KLHL8: variants seen among roughly 807,000 people sequenced by gnomAD.
KLHL8 encodes kelch like family member 8, also known as kelch-like protein 8.
Under a neutral mutation model 63.5 loss-of-function variants are expected in KLHL8, and 38 were observed. The ratio of observed to expected loss-of-function variants is 0.60; its 90% CI spans 0.46 to 0.78. The LOEUF (loss-of-function observed/expected upper bound fraction) is 0.78, where lower values mean the gene tolerates loss of function less well. Ranked by LOEUF, KLHL8 falls within the 30% of genes least tolerant of loss-of-function variation. The pLI is 0.00. For synonymous variants in KLHL8, 224 were observed against 254.3 expected (o/e 0.88, Z 1.13); for missense variants, 566 against 752.4 (o/e 0.75, Z 2.90).
rs747128509 is a variant in KLHL8, at chr4:87,183,352, C to T, written c.803G>A (p.Gly268Asp). The T allele has an allele frequency of 6.2e-7, 1 of 1,610,942 alleles. No individual in the cohort carries two copies. The highest frequency in any genetic ancestry group is 1.1e-5 in the South Asian group (1 of 90,756). ...GACAATCTGTTCTTTTGCCACAACA[C>T]CCATAAGAAAATCAACCGGCAACAA... ...LPLLPVDFLM[G>D]VVAKEQIVKQ... is the part of the protein sequence containing the mutation. Residue 268 changes from glycine (G) to aspartate (D), a missense_variant, in exon 4 of 10, where the codon GGT becomes GAT. By Grantham distance (94) the Gly-to-Asp change is moderately conservative (BLOSUM62 -1). Transcript: ENST00000273963.
chr4:87,178,742 T>A, intron 4 of KLHL8, 122 bp from the exon 5 acceptor site: 1 of 900,998 alleles, frequency 1.1e-6, no homozygotes, highest in Non-Finnish European at 1.6e-6. Context: ...TATTCAATGT[T>A]ATTATGTTAC....
chr4:87,230,916 C>T (rs1041467067), intron 1 of KLHL8, among the ~76,000 whole-genome samples: 1 of 152,124 alleles, frequency 6.6e-6, no homozygotes, highest in African/African-American at 2.4e-5. Flanking sequence ...TATTTTTGCA[C>T]GCGTCAATAT....
At chr4:87,204,899 A>G (rs924647957) in intron 1 of KLHL8, among the ~76,000 whole-genome samples, 11 of 152,090 alleles carry the variant, frequency 7.2e-5, no homozygotes, top group Non-Finnish European at 1.6e-4. Context: ...TGTTAATTTA[A>G]AATTGATTTG....
Position 87,195,521 on chromosome 4 carries a change from T to G in KLHL8, c.19A>C (p.Ser7Arg). Residue 7 changes from serine to arginine, a missense_variant, in exon 2 of 10, where the codon AGT becomes CGT. Physicochemically the swap from Ser to Arg is moderately radical, Grantham distance 110. Coordinates refer to ENST00000273963, the MANE Select transcript of KLHL8 (RefSeq NM_020803.5). ...ATGTGATTCCTAGCTTGTTTACTACTCATAGAATCTGAAGCCATTTGCAAT... is the reference window on the plus strand; with the variant it reads ...ATGTGATTCCTAGCTTGTTTACTACGCATAGAATCTGAAGCCATTTGCAAT... MASDSM[S>R]SKQARNHITK... is the part of the protein sequence containing the mutation. 2 of 1,613,050 alleles carry G rather than the reference T, an allele frequency of 1.2e-6. No homozygotes were observed. Among genetic ancestry groups the G allele is most frequent in the South Asian group, 2.2e-5 (2 of 90,992 alleles).
At chr4:87,216,007 G>T (rs1031809653) in intron 1 of KLHL8, among the ~76,000 whole-genome samples, 2 of 152,108 alleles carry the variant, frequency 1.3e-5, no homozygotes, top group Non-Finnish European at 2.9e-5. Flanking sequence ...TTAACATTGG[G>T]TGTTTTGTTG....
chr4:87,181,420 C>A (rs1372323106), intron 4 of KLHL8, among the ~76,000 whole-genome samples: 1 of 151,968 alleles, frequency 6.6e-6, no homozygotes, highest in African/African-American at 2.4e-5. Context: ...AAAAAGAAAT[C>A]TGTTTATAAG....
intron 8 of KLHL8, chr4:87,167,573 TA>T: frequency 1.9e-6 from 1 of 527,336 alleles, no homozygotes. Flanking sequence ...GCTGTTATGC[TA>T]AGAAGAAGGG....
Position 87,216,936 on chromosome 4 carries a change from T to G in KLHL8, c.-152+3482A>C, listed in dbSNP as rs570866915. Among the ~76,000 whole-genome samples the G allele has an allele frequency of 2.6e-5, 4 of 152,196 alleles. No homozygotes were observed. In the South Asian group the frequency reaches 8.3e-4, roughly 32 times the overall value. On this transcript the variant is annotated intron_variant, in intron 1 of 9. Transcript: ENST00000273963. ...TGGTAAAATAGAAGTACGTATTATT[T>G]TTATCCCCCTTCCACAGCTAAGGAA...
At position 87,216,343 on chromosome 4, in the gene KLHL8, A is replaced by G. The variant is rs112575016; in HGVS notation, c.-152+4075T>C. Among the ~76,000 whole-genome samples, 242 of 152,316 alleles carry G rather than the reference A, an allele frequency of 1.6e-3. 2 individuals are homozygous for G. Among genetic ancestry groups the G allele is most frequent in the African/African-American group, 5.6e-3 (232 of 41,574 alleles). ...TAGCCTGTTCTCTTTCCTTTCCGCAATATAACCTGTTTCTCTTTCCTTTCC... is the reference window on the plus strand; with the variant it reads ...TAGCCTGTTCTCTTTCCTTTCCGCAGTATAACCTGTTTCTCTTTCCTTTCC... On this transcript the variant is annotated intron_variant, in intron 1 of 9. Coordinates refer to ENST00000273963, the MANE Select transcript of KLHL8 (RefSeq NM_020803.5).
intron 1 of KLHL8, among the ~76,000 whole-genome samples, chr4:87,225,837 T>C (rs1488711448): frequency 6.6e-6 from 1 of 152,206 alleles, no homozygotes; most frequent in African/African-American, 2.4e-5. Flanking sequence ...ACTTTTGAAA[T>C]GCGGGTGTTG....
At chr4:87,223,889 T>G (rs1732927065), upstream of KLHL8, among the ~76,000 whole-genome samples, 2 of 152,170 alleles carry the variant, frequency 1.3e-5, no homozygotes, top group Admixed American at 1.3e-4. Context: ...CCTAGCTCCA[T>G]TTGAGAATAA....
chr4:87,218,731 T>C (rs1732698793), intron 1 of KLHL8, among the ~76,000 whole-genome samples: 1 of 152,106 alleles, frequency 6.6e-6, no homozygotes, highest in Admixed American at 6.5e-5. Context: ...AGAGTATCCT[T>C]AGACTTTTTT....
At chr4:87,232,883 G>T (rs565324567) in intron 1 of KLHL8, among the ~76,000 whole-genome samples, 224 of 149,054 alleles carry the variant, frequency 1.5e-3, no homozygotes, top group African/African-American at 5.2e-3. Flanking sequence ...TTTCTATTAG[G>T]TTTTTTTTTC....
intron 1 of KLHL8, among the ~76,000 whole-genome samples, chr4:87,227,660 C>A (rs6834470): frequency 0.4 from 60,445 of 151,796 alleles, 12,120 homozygotes; most frequent in South Asian, 0.45. Flanking sequence ...AAATAAATAA[C>A]TAAGTTATTT....
intron 1 of KLHL8, among the ~76,000 whole-genome samples, chr4:87,215,037 G>A (rs1560716810): frequency 1.3e-5 from 2 of 152,122 alleles, no homozygotes; most frequent in African/African-American, 2.4e-5. Flanking sequence ...GGCCTCAAGT[G>A]ATCCACCTGC....
intron 1 of KLHL8, among the ~76,000 whole-genome samples, chr4:87,227,323 G>A (rs778073992): frequency 6.6e-6 from 1 of 152,004 alleles, no homozygotes; most frequent in Non-Finnish European, 1.5e-5. Flanking sequence ...TTGAGTTTTA[G>A]TAGCCATCTT....
At position 87,188,013 on chromosome 4, in the gene KLHL8, GGAA is replaced by G. The variant is rs772825905; in HGVS notation, c.217-2217_217-2215del. ...CTCAGTCTTTTTTCACTAATGTGGA[GGAA>G]GAAGCAGTATCACTTATTTCAGAAA... On this transcript the variant is annotated intron_variant, in intron 2 of 9. Coordinates refer to ENST00000273963, the MANE Select transcript of KLHL8 (RefSeq NM_020803.5). Among the ~76,000 whole-genome samples, 9 of 152,138 alleles carry G rather than the reference GGAA, an allele frequency of 5.9e-5. No individual in the cohort carries two copies. The South Asian group carries it at 1.7e-3, about 28-fold the overall frequency.
intron 8 of KLHL8, chr4:87,167,566 G>A: frequency 1.9e-6 from 1 of 530,708 alleles, no homozygotes; most frequent in South Asian, 1.4e-5. Flanking sequence ...CTCTGGGGCT[G>A]TTATGCTAAG....
chr4:87,164,047 C>T lies in KLHL8; in HGVS notation c.1570G>A (p.Val524Ile), dbSNP rs146465502. 5.0e-6 allele frequency: 8 copies of T among 1,614,070 alleles called. No homozygotes were observed. The highest frequency in any genetic ancestry group is 5.9e-6 in the Non-Finnish European group (7 of 1,180,040). ...GFDDNSPLSS[V>I]ERYDPRSNKW... ...TTGCTTCGGGGGTCATACCGCTCAA[C>T]TGAACTCAGAGGAGAATTATCATCA... The change falls in exon 9 of 10, where the codon GTT (valine) becomes ATT (isoleucine). Residue 524 changes from valine to isoleucine, a missense_variant. By Grantham distance (29) the Val-to-Ile change is conservative. Transcript: ENST00000273963.
Sources: allele counts gnomAD v4.1 joint callset (sites outside exome capture counted in the v4.1 genomes callset), GRCh38; gene constraint gnomAD v4.1.1; transcripts MANE v1.5; gene names NCBI Gene and HGNC (gene_info 2026-07-23, HGNC 2026-07-21).